IFIH1: variants seen among roughly 807,000 people sequenced by gnomAD.
IFIH1 encodes the protein interferon-induced helicase C domain-containing protein 1.
IFIH1 carries 125 observed loss-of-function variants against 107.4 expected under a neutral mutation model. The observed-to-expected ratio is 1.16, with a 90% CI of 1.01 to 1.35. IFIH1 has a LOEUF of 1.35. Ranked by LOEUF, IFIH1 falls within the 40% of genes most tolerant of loss-of-function variation. IFIH1 has a pLI of 0.00. For synonymous variants in IFIH1, 458 were observed against 413.2 expected, an observed-to-expected ratio of 1.11 and a Z score of -1.31; for missense variants, 1,333 against 1,213.7, an observed-to-expected ratio of 1.10 and a Z score of -1.46.
intron 9 of IFIH1, 124 bp downstream of exon 9, chr2:162,278,081 G>A: frequency 5.1e-6 from 4 of 776,844 alleles, no homozygotes; most frequent in South Asian, 1.7e-5. Context: ...GTCCTACAGA[G>A]AACACAGAAA....
chr2:162,295,308 C>T (rs993726241), intron 3 of IFIH1, among the ~76,000 whole-genome samples: 4 of 151,966 alleles, frequency 2.6e-5, no homozygotes, highest in African/African-American at 4.8e-5. Context: ...AATATGTAGC[C>T]TTTATGTCTG....
In IFIH1 at chr2:162,318,587, C is replaced by T. The variant is rs1683563299; in HGVS notation, c.-280G>A. The T allele has an allele frequency of 1.4e-5, 3 of 217,212 alleles. No homozygotes were observed. Among genetic ancestry groups the T allele is most frequent in the Admixed American group, 5.9e-5 (1 of 16,914 alleles). The allele number at this position is 217,212 out of a possible 1,614,324, so 13.5% of individuals were successfully genotyped here. On this transcript the variant is annotated 5_prime_UTR_variant, in exon 1 of 16. Transcript: ENST00000649979. ...GGCAGGCGCGGCACTTTGGACTCTG[C>T]GGTGTGCGCCTGGGGTCCCGGACCG... is the stretch of plus-strand genomic sequence containing the variant.
At position 162,277,554 on chromosome 2, in the gene IFIH1, A is replaced by G; in HGVS notation, c.1905T>C (p.Asp635=). The change falls in exon 10 of 16, where the codon GAT becomes GAC. Residue 635 remains aspartate (D), a synonymous_variant. Coordinates refer to ENST00000649979, the MANE Select transcript of IFIH1 (RefSeq NM_022168.4). ...HLETFYNEEK[D]KKFAVIEDDS... is the part of the protein sequence containing the mutation. ...CATCTTCTATGACTGCAAACTTCTT[A>G]TCTTTCTCTTCATTATAGAAAGTTT... The G allele has an allele frequency of 6.2e-7, 1 of 1,605,466 alleles. No homozygotes were observed. Among genetic ancestry groups the G allele is most frequent in the Non-Finnish European group, 8.5e-7 (1 of 1,172,316 alleles).
intron 11 of IFIH1, 150 bp downstream of exon 11, chr2:162,276,537 C>G (rs1018220345): frequency 2.4e-6 from 2 of 831,486 alleles, no homozygotes; most frequent in African/African-American, 3.5e-5. Flanking sequence ...CCTAGGAGGT[C>G]AAGGGTGCAG....
chr2:162,285,414 C>T (rs1016103650), intron 5 of IFIH1, among the ~76,000 whole-genome samples: 4 of 152,084 alleles, frequency 2.6e-5, no homozygotes, highest in Admixed American at 6.6e-5. Flanking sequence ...TTGGGCCAAA[C>T]ACAAGATTCA....
intron 5 of IFIH1, among the ~76,000 whole-genome samples, chr2:162,286,353 T>C (rs973364707): frequency 5.9e-5 from 9 of 151,896 alleles, no homozygotes; most frequent in African/African-American, 2.2e-4. Flanking sequence ...TTTGGATGAA[T>C]ACAAATAGGG....
chr2:162,318,283 C>G lies in IFIH1; in HGVS notation c.25G>C (p.Glu9Gln). 6.2e-7 allele frequency: 1 copy of G among 1,613,766 alleles called. No individual in the cohort carries two copies. Among genetic ancestry groups the G allele is most frequent in the Non-Finnish European group, 8.5e-7 (1 of 1,179,800 alleles). ...CACGAGATGAGATAGCGGAAATTCT[C>G]GTCTGTGGAATACCCATTCGACATC... Reference protein sequence around the residue: MSNGYSTDENFRYLISCFR... With the variant: MSNGYSTDQNFRYLISCFR... The change falls in exon 1 of 16, where the codon GAG becomes CAG. Residue 9 changes from glutamate to glutamine, a missense_variant. Transcript: ENST00000649979.
intron 13 of IFIH1, among the ~76,000 whole-genome samples, chr2:162,270,984 T>C (rs1691024913): frequency 6.6e-6 from 1 of 152,142 alleles, no homozygotes; most frequent in Non-Finnish European, 1.5e-5. Flanking sequence ...GAAACTAACA[T>C]TCACACCCAT....
intron 5 of IFIH1, among the ~76,000 whole-genome samples, chr2:162,282,945 C>A (rs12464349): frequency 1.3e-5 from 2 of 148,220 alleles, no homozygotes; most frequent in South Asian, 2.1e-4. Flanking sequence ...AAGCAACTGA[C>A]GACTCAAAAA....
chr2:162,277,572 G>T lies in IFIH1; in HGVS notation c.1887C>A (p.Phe629Leu), dbSNP rs1411337823. The T allele has an allele frequency of 6.2e-7, 1 of 1,610,240 alleles. No homozygotes were observed. The highest frequency in any genetic ancestry group is 1.3e-5 in the African/African-American group (1 of 74,882). The change falls in exon 10 of 16, where the codon TTC becomes TTA. Residue 629 changes from phenylalanine to leucine, a missense_variant. Coordinates refer to ENST00000649979, the MANE Select transcript of IFIH1 (RefSeq NM_022168.4). ...ACTTCTTATCTTTCTCTTCATTATAGAAAGTTTCAAGATGAGTATACGCAT... is the reference window on the plus strand; with the variant it reads ...ACTTCTTATCTTTCTCTTCATTATATAAAGTTTCAAGATGAGTATACGCAT... ...MIDAYTHLET[F>L]YNEEKDKKFA...
intron 4 of IFIH1, among the ~76,000 whole-genome samples, chr2:162,288,972 C>T (rs1682946919): frequency 6.6e-6 from 1 of 151,064 alleles, no homozygotes; most frequent in Non-Finnish European, 1.5e-5. Flanking sequence ...CCCTATCTAT[C>T]TCAAGTTCCT....
chr2:162,307,479 T>C (rs544295545), intron 2 of IFIH1, among the ~76,000 whole-genome samples: 1 of 152,358 alleles, frequency 6.6e-6, no homozygotes, highest in South Asian at 2.1e-4. Context: ...TTTTAAAACA[T>C]TTAATGAAAT....
intron 3 of IFIH1, among the ~76,000 whole-genome samples, chr2:162,304,990 G>A (rs1683255456): frequency 6.6e-6 from 1 of 152,164 alleles, no homozygotes; most frequent in Non-Finnish European, 1.5e-5. Flanking sequence ...AGTACAAAGA[G>A]AGCTATCGAG....
At chr2:162,311,565 G>T (rs1003011677) in intron 1 of IFIH1, among the ~76,000 whole-genome samples, 12 of 151,586 alleles carry the variant, frequency 7.9e-5, no homozygotes, top group Non-Finnish European at 1.5e-4. Context: ...ATATGGGGCA[G>T]AATTATTTTT....
chr2:162,310,278 C>T lies in IFIH1; in HGVS notation c.622+487G>A, dbSNP rs563094302. 8 of 159,156 alleles carry T rather than the reference C, an allele frequency of 5.0e-5. No individual in the cohort carries two copies. The South Asian group carries it at 6.1e-4, about 12-fold the overall frequency. The allele number at this position is 159,156 out of a possible 1,614,324, so 9.9% of individuals were successfully genotyped here. ...TTTACAAATAATGTAGGAGAAGGAG[C>T]TATAAAATGTTATGTTATTACTATT... On this transcript the variant is annotated intron_variant, in intron 2 of 15. Coordinates refer to ENST00000649979, the MANE Select transcript of IFIH1 (RefSeq NM_022168.4).
At chr2:162,311,891 C>T (rs185952169) in intron 1 of IFIH1, among the ~76,000 whole-genome samples, 3 of 152,072 alleles carry the variant, frequency 2.0e-5, no homozygotes, top group East Asian at 1.9e-4. Flanking sequence ...TAGAAACAAC[C>T]GTAAAGCCTT....
chr2:162,310,629 G>T (rs558811399), intron 2 of IFIH1, 136 bp downstream of exon 2: 2 of 649,128 alleles, frequency 3.1e-6, no homozygotes, highest in East Asian at 2.8e-5. Flanking sequence ...TAAAATAGAT[G>T]ATCTATCACA....
At chr2:162,277,040 T>C in intron 10 of IFIH1, 94 bp from the exon 11 acceptor site, 1 of 839,490 alleles carries the variant, frequency 1.2e-6, no homozygotes, top group Non-Finnish European at 1.8e-6. Flanking sequence ...ACCAAAAATA[T>C]ACAGTTTTAT....
Position 162,310,795 on chromosome 2 carries a change from T to A in IFIH1, c.592A>T (p.Thr198Ser). The A allele has an allele frequency of 6.2e-7, 1 of 1,613,884 alleles. No homozygotes were observed. The highest frequency in any genetic ancestry group is 2.2e-5 in the East Asian group (1 of 44,834). ...TTGCTTTCTGAGCAATCAGAGCCTG[T>A]TAACTCTTGGACAAGTTCATTGTTT... ...TGNNELVQEL[T>S]GSDCSESNAE... Residue 198 changes from threonine to serine, a missense_variant, in exon 2 of 16, where the codon ACA becomes TCA. Physicochemically the swap from Thr to Ser is moderately conservative, Grantham distance 58 (BLOSUM62 1). Coordinates refer to ENST00000649979, the MANE Select transcript of IFIH1 (RefSeq NM_022168.4).
Sources: allele counts gnomAD v4.1 joint callset (sites outside exome capture counted in the v4.1 genomes callset), GRCh38; gene constraint gnomAD v4.1.1; transcripts MANE v1.5; gene names NCBI Gene and HGNC (gene_info 2026-07-23, HGNC 2026-07-21).